Variants in FANK1 observed in about 807,000 individuals in gnomAD.
FANK1 encodes fibronectin type 3 and ankyrin repeat domains protein 1.
In FANK1, 44 loss-of-function variants were observed where a neutral mutation model predicts 45.3. The ratio of observed to expected loss-of-function variants is 0.97; its 90% CI spans 0.76 to 1.25. The LOEUF is 1.25. Among genes scored for constraint, FANK1 ranks in the 50% most tolerant of loss-of-function variants. FANK1 has a pLI of 0.00. For missense variants in FANK1, 391 were observed against 424.4 expected, an observed-to-expected ratio of 0.92 and a Z score of 0.69; for synonymous variants, 149 against 152.5, an observed-to-expected ratio of 0.98 and a Z score of 0.17.
chr10:125,918,585 A>AAAAATATATATAT (rs1554913277), intron 1 of FANK1, among the ~76,000 whole-genome samples: 9 of 70,964 alleles, frequency 1.3e-4, no homozygotes, highest in Admixed American at 8.0e-4. Context: ...AAAAAAAAAA[A>AAAAATATATATAT]ATATATATAT....
intron 2 of FANK1, among the ~76,000 whole-genome samples, chr10:125,982,928 T>C (rs1047519702): frequency 3.3e-5 from 5 of 152,078 alleles, no homozygotes; most frequent in East Asian, 1.9e-4. Flanking sequence ...TTTTTTTTTT[T>C]CTCATCATTC....
chr10:125,901,930 G>A (rs1275232330), intron 1 of FANK1, among the ~76,000 whole-genome samples: 1 of 152,356 alleles, frequency 6.6e-6, no homozygotes, highest in East Asian at 1.9e-4. Flanking sequence ...AGACCAGTCT[G>A]GCCAACTGGC....
chr10:125,989,460 C>T (rs1234982459), intron 3 of FANK1: 2 of 1,082,834 alleles, frequency 1.8e-6, no homozygotes, highest in African/African-American at 1.6e-5. Context: ...ATGTGCTTTC[C>T]ATGGCTTTCA....
intron 8 of FANK1, 126 bp from the exon 9 acceptor site, chr10:126,008,928 G>A: frequency 2.4e-6 from 2 of 838,706 alleles, no homozygotes; most frequent in Non-Finnish European, 3.8e-6. Flanking sequence ...GCCATGCAAA[G>A]CCACAGTGGT....
Position 125,903,585 on chromosome 10 carries a change from C to T in FANK1, c.13+6930C>T, listed in dbSNP as rs1475855676. On this transcript the variant is annotated intron_variant, in intron 1 of 10. Coordinates refer to ENST00000368693, the MANE Select transcript of FANK1 (RefSeq NM_145235.5). ...ACAACTTAATCAGCTTATTCAGCTA[C>T]TTGGGAAGCTGAGGCGGGGGGACTG... 7.9e-5 allele frequency among the ~76,000 whole-genome samples: 12 copies of T among 152,384 alleles called. No individual in the cohort carries two copies. The East Asian group carries it at 2.3e-3, about 29-fold the overall frequency.
At chr10:125,971,830 G>A (rs555107828) in intron 1 of FANK1, among the ~76,000 whole-genome samples, 14 of 152,082 alleles carry the variant, frequency 9.2e-5, no homozygotes, top group Non-Finnish European at 1.9e-4. Flanking sequence ...CACCATGTTA[G>A]CCAGGATGGT....
At chr10:125,981,378 T>A (rs1028623676) in intron 2 of FANK1, among the ~76,000 whole-genome samples, 1 of 151,760 alleles carries the variant, frequency 6.6e-6, no homozygotes, top group Non-Finnish European at 1.5e-5. Context: ...TGTGGTGGCT[T>A]ATGCCTGTAG....
chr10:125,907,260 CCTT>C (rs1475134653), intron 1 of FANK1, among the ~76,000 whole-genome samples: 4 of 152,152 alleles, frequency 2.6e-5, no homozygotes, highest in Non-Finnish European at 5.9e-5. Flanking sequence ...ACTCTTCACT[CCTT>C]ATATTCTAAC....
intron 7 of FANK1, among the ~76,000 whole-genome samples, chr10:126,005,791 G>A (rs957919071): frequency 4.6e-5 from 7 of 152,120 alleles, no homozygotes; most frequent in African/African-American, 1.7e-4. Context: ...TTCTTGGTTT[G>A]TTTTAAAGAT....
chr10:125,959,852 G>T (rs183129413), intron 1 of FANK1, among the ~76,000 whole-genome samples: 3 of 152,190 alleles, frequency 2.0e-5, no homozygotes, highest in Admixed American at 1.3e-4. Context: ...AAACATACAT[G>T]ATATTCTAGG....
chr10:125,970,630 C>T (rs554693050), intron 1 of FANK1, among the ~76,000 whole-genome samples: 175 of 152,306 alleles, frequency 1.1e-3, no homozygotes, highest in African/African-American at 3.8e-3. Context: ...CGGGCCAACA[C>T]GGCGAAACCC....
chr10:125,929,432 C>A (rs746328345), intron 1 of FANK1, among the ~76,000 whole-genome samples: 10 of 152,164 alleles, frequency 6.6e-5, no homozygotes, highest in Non-Finnish European at 1.5e-4. Flanking sequence ...CAGCATTCCT[C>A]CTGGGGGAAC....
At chr10:125,934,724 GTTTTTTTTTTTTTTTTTTTTT>G (rs145182884) in intron 1 of FANK1, among the ~76,000 whole-genome samples, 4 of 26,416 alleles carry the variant, frequency 1.5e-4, no homozygotes, top group Non-Finnish European at 2.2e-4. Flanking sequence ...TACCCCTACC[GTTTTTTTTTTTTTTTTTTTTT>G]TTTTTTTTTT....
intron 1 of FANK1, among the ~76,000 whole-genome samples, chr10:125,957,070 T>A (rs1009219109): frequency 6.6e-6 from 1 of 152,210 alleles, no homozygotes; most frequent in African/African-American, 2.4e-5. Context: ...TTAGCTAGGA[T>A]GGTCACGATC....
intron 1 of FANK1, among the ~76,000 whole-genome samples, chr10:125,925,449 T>G (rs1463838531): frequency 1.3e-5 from 2 of 152,214 alleles, no homozygotes; most frequent in Admixed American, 1.3e-4. Context: ...CAGGCTATAG[T>G]GCAGGGGCTG....
intron 1 of FANK1, among the ~76,000 whole-genome samples, chr10:125,931,858 C>T (rs1368044545): frequency 1.3e-5 from 2 of 152,146 alleles, no homozygotes; most frequent in African/African-American, 2.4e-5. Context: ...TTTAAGTCCT[C>T]AATCCATCTT....
At chr10:125,980,677 G>A (rs116765125) in intron 2 of FANK1, 7,693 of 257,290 alleles carry the variant, frequency 0.03, 557 homozygotes, top group African/African-American at 0.16. Flanking sequence ...GAATGGCCCC[G>A]CATGGTCTAC....
intron 2 of FANK1, 33 bp downstream of exon 2, chr10:125,980,371 C>T: frequency 1.3e-6 from 2 of 1,583,688 alleles, no homozygotes; most frequent in South Asian, 2.3e-5. Flanking sequence ...TGCCACTTTG[C>T]CTTACTTCCT....
In FANK1 at chr10:125,996,522, T is replaced by A. The variant is rs3736477; in HGVS notation, c.399-28T>A. ...CTCTGCAGTAGCTGTACTGAGCATG[T>A]TTATCTCTTTTCTCTGCTTTTCCCA... On this transcript the variant is annotated intron_variant, in intron 4 of 10. Coordinates refer to ENST00000368693, the MANE Select transcript of FANK1 (RefSeq NM_145235.5). The A allele has an allele frequency of 1.9e-3, 2,985 of 1,612,060 alleles. 35 individuals are homozygous for A. The African/African-American group carries it at 0.023, about 12-fold the overall frequency.
Sources: gnomAD v4.1 joint callset for allele counts (sites outside exome capture counted in the v4.1 genomes callset) on GRCh38, gnomAD v4.1.1 for gene constraint, MANE v1.5 for transcripts, NCBI Gene and HGNC (gene_info 2026-07-23, HGNC 2026-07-21) for gene names.